The following UBE2E3 variants were observed in gnomAD, a reference collection of about 807,000 sequenced individuals.
UBE2E3 encodes the protein ubiquitin conjugating enzyme E2 E3, also known as ubiquitin-conjugating enzyme E2 E3.
Under a neutral mutation model 23.6 loss-of-function variants are expected in UBE2E3, and 5 were observed. The observed-to-expected ratio is 0.21, with a 90% CI of 0.11 to 0.44. The LOEUF (loss-of-function observed/expected upper bound fraction) is 0.44, where lower values mean the gene tolerates loss of function less well. Ranked by LOEUF, UBE2E3 falls within the 20% of genes least tolerant of loss-of-function variation. The pLI, the probability that UBE2E3 is intolerant of heterozygous loss-of-function variation, is 0.99. For synonymous variants in UBE2E3, 78 were observed against 87.5 expected (o/e 0.89, Z 0.60); for missense variants, 81 against 249.8 (o/e 0.32, Z 4.55).
chr2:180,982,563 T>A (rs942699185), intron 2 of UBE2E3, among the ~76,000 whole-genome samples: 1 of 152,072 alleles, frequency 6.6e-6, no homozygotes, highest in Admixed American at 6.6e-5. Context: ...TTGGGGATGT[T>A]CCTTTTATGA....
chr2:181,041,432 T>G (rs890071162), intron 3 of UBE2E3, among the ~76,000 whole-genome samples: 2 of 147,236 alleles, frequency 1.4e-5, no homozygotes, highest in Non-Finnish European at 3.0e-5. Context: ...CTGTGAGCAG[T>G]GTGCAACATA....
At chr2:181,011,061 G>A (rs1414255564) in intron 3 of UBE2E3, among the ~76,000 whole-genome samples, 2 of 151,774 alleles carry the variant, frequency 1.3e-5, no homozygotes, top group Non-Finnish European at 2.9e-5. Context: ...GAGAGACTAG[G>A]TGACTTGAGC....
At chr2:181,010,504 A>G (rs1415675863) in intron 3 of UBE2E3, among the ~76,000 whole-genome samples, 1 of 152,168 alleles carries the variant, frequency 6.6e-6, no homozygotes, top group Non-Finnish European at 1.5e-5. Flanking sequence ...AGGGAAATCA[A>G]AGGGATATTT....
chr2:180,982,646 A>G (rs1353720028), intron 2 of UBE2E3, among the ~76,000 whole-genome samples: 1 of 152,204 alleles, frequency 6.6e-6, no homozygotes, highest in African/African-American at 2.4e-5. Context: ...CTTAATGATC[A>G]GAAATGATCA....
chr2:180,995,406 C>G (rs1223796317), intron 3 of UBE2E3, among the ~76,000 whole-genome samples: 1 of 152,062 alleles, frequency 6.6e-6, no homozygotes, highest in Non-Finnish European at 1.5e-5. Flanking sequence ...TTATGATTTT[C>G]CTTTGCTTAT....
chr2:181,055,839 T>C (rs770182781), intron 3 of UBE2E3, among the ~76,000 whole-genome samples: 1 of 151,740 alleles, frequency 6.6e-6, no homozygotes. Context: ...TTAAGGCGTA[T>C]GAGTCGTCTT....
chr2:181,034,632 G>C (rs145437386), intron 3 of UBE2E3, among the ~76,000 whole-genome samples: 2 of 152,018 alleles, frequency 1.3e-5, no homozygotes, highest in Non-Finnish European at 2.9e-5. Flanking sequence ...CATATGTAAC[G>C]AACCTGCACG....
At chr2:180,981,070 C>T (rs1684272688) in intron 1 of UBE2E3, 97 bp downstream of exon 1, 2 of 146,196 alleles carry the variant, frequency 1.4e-5, no homozygotes, top group Non-Finnish European at 3.0e-5. Flanking sequence ...TCGCGCCGGG[C>T]GCCCGCGTCG....
chr2:181,061,853 T>C lies in UBE2E3; in HGVS notation c.527-938T>C, dbSNP rs72885290. Among the ~76,000 whole-genome samples, 801 of 151,522 alleles carry C rather than the reference T, an allele frequency of 5.3e-3. 4 individuals carry two copies. The highest frequency in any genetic ancestry group is 9.4e-3 in the Non-Finnish European group (636 of 67,688). Reference sequence around the variant, plus strand: ...GACTGTTACTGTTGTTACCTTATGCTCGGCAGAGATACATATGCAATAGAT... The same window carrying C: ...GACTGTTACTGTTGTTACCTTATGCCCGGCAGAGATACATATGCAATAGAT... On this transcript the variant is annotated intron_variant, in intron 5 of 5. Transcript: ENST00000410062.
chr2:181,017,829 AG>A (rs992454211), intron 3 of UBE2E3, among the ~76,000 whole-genome samples: 2 of 149,828 alleles, frequency 1.3e-5, no homozygotes, highest in African/African-American at 5.0e-5. Context: ...ACTACAGGAT[AG>A]GGGGTTTAAG....
intron 3 of UBE2E3, among the ~76,000 whole-genome samples, chr2:181,020,298 A>G (rs571090204): frequency 1.2e-3 from 184 of 152,224 alleles, no homozygotes; most frequent in African/African-American, 4.2e-3. Context: ...CCATTGTCAC[A>G]TGGCTGCCTT....
chr2:180,997,037 ATTTT>A (rs896201675), intron 3 of UBE2E3, among the ~76,000 whole-genome samples: 2 of 147,162 alleles, frequency 1.4e-5, no homozygotes, highest in Non-Finnish European at 3.0e-5. Context: ...TTATTAATGA[ATTTT>A]TTTTTTTCCA....
At chr2:181,031,689 T>G (rs939566970) in intron 3 of UBE2E3, among the ~76,000 whole-genome samples, 5 of 152,080 alleles carry the variant, frequency 3.3e-5, no homozygotes, top group African/African-American at 1.2e-4. Flanking sequence ...TTTTGGTGTT[T>G]TGTTTTGTTT....
chr2:180,997,388 T>G (rs1168688953), intron 3 of UBE2E3, among the ~76,000 whole-genome samples: 1 of 152,132 alleles, frequency 6.6e-6, no homozygotes, highest in African/African-American at 2.4e-5. Context: ...CTTATTCTGT[T>G]TCTTTTTTGT....
intron 3 of UBE2E3, among the ~76,000 whole-genome samples, chr2:181,029,536 T>C (rs1686004839): frequency 6.6e-6 from 1 of 152,126 alleles, no homozygotes; most frequent in Non-Finnish European, 1.5e-5. Context: ...TTTAATATTT[T>C]TGATGCTTTT....
chr2:181,044,700 T>C lies in UBE2E3; in HGVS notation c.246-12993T>C, dbSNP rs146993981. The stretch of plus-strand genomic sequence containing the variant: ...GATCTTCTTAATGCATCTTTTGTTG[T>C]TTTGTATGCTTATAGATGGTAACAT... On this transcript the variant is annotated intron_variant, in intron 3 of 5. Coordinates refer to ENST00000410062, the MANE Select transcript of UBE2E3 (RefSeq NM_006357.4). Among the ~76,000 whole-genome samples, 242 of 152,270 alleles carry C rather than the reference T, an allele frequency of 1.6e-3. 1 individual carries two copies. The highest frequency in any genetic ancestry group is 5.6e-3 in the African/African-American group (232 of 41,564).
intron 3 of UBE2E3, among the ~76,000 whole-genome samples, chr2:180,989,467 T>C: frequency 6.6e-6 from 1 of 152,310 alleles, no homozygotes; most frequent in Non-Finnish European, 1.5e-5. Context: ...TTTACCTTTT[T>C]CATAATTATG....
intron 5 of UBE2E3, among the ~76,000 whole-genome samples, chr2:181,062,251 CAAAAT>C (rs1687179612): frequency 6.6e-6 from 1 of 151,246 alleles, no homozygotes. Flanking sequence ...TTTTAAACAT[CAAAAT>C]AAAAATTTAT....
At chr2:180,981,551 A>G (rs1385792310) in intron 1 of UBE2E3, 1 of 152,984 alleles carries the variant, frequency 6.5e-6, no homozygotes, top group Admixed American at 6.5e-5. Flanking sequence ...CGCCACCTTA[A>G]ATAAGCATAT....
Sources: gnomAD v4.1 joint callset for allele counts (sites outside exome capture counted in the v4.1 genomes callset) on GRCh38, gnomAD v4.1.1 for gene constraint, MANE v1.5 for transcripts, NCBI Gene and HGNC (gene_info 2026-07-23, HGNC 2026-07-21) for gene names.